The following AGR3 variants were observed in gnomAD, a reference collection of about 807,000 sequenced individuals.
AGR3 encodes the protein anterior gradient 3, protein disulphide isomerase family member.
Under a neutral mutation model 24.5 loss-of-function variants are expected in AGR3, and 37 were observed. That is an observed-to-expected ratio of 1.51 (90% CI 1.16 to 1.99). The LOEUF is 1.99. AGR3 is among the 30% of genes most tolerant of loss of function. AGR3 has a pLI of 0.00. For missense variants in AGR3, 228 were observed against 191.1 expected, an observed-to-expected ratio of 1.19 and a Z score of -1.14; for synonymous variants, 75 against 61.6, an observed-to-expected ratio of 1.22 and a Z score of -1.02.
intron 1 of AGR3, among the ~76,000 whole-genome samples, chr7:16,879,333 T>G (rs186478678): frequency 2.0e-5 from 3 of 152,350 alleles, no homozygotes; most frequent in East Asian, 3.9e-4. Context: ...TCTCTCCTGG[T>G]TAGCTAGAAT....
intron 6 of AGR3, 31 bp from the exon 7 acceptor site, chr7:16,860,614 AT>A: frequency 3.5e-6 from 5 of 1,447,478 alleles, no homozygotes; most frequent in Non-Finnish European, 4.8e-6. Context: ...TCACGAAAGT[AT>A]AATTTAGCAT....
At chr7:16,866,719 A>C (rs1237060335) in intron 3 of AGR3, among the ~76,000 whole-genome samples, 3 of 152,124 alleles carry the variant, frequency 2.0e-5, no homozygotes, top group Non-Finnish European at 4.4e-5. Flanking sequence ...TGTTTGAGTT[A>C]CTTATTTTTC....
At chr7:16,869,711 A>G (rs1781829814) in intron 3 of AGR3, among the ~76,000 whole-genome samples, 2 of 149,076 alleles carry the variant, frequency 1.3e-5, no homozygotes, top group Admixed American at 1.3e-4. Context: ...GGCAGGGGGA[A>G]CCTGTTTTTT....
intron 1 of AGR3, among the ~76,000 whole-genome samples, chr7:16,879,234 A>G (rs970937444): frequency 6.6e-6 from 1 of 152,222 alleles, no homozygotes; most frequent in Admixed American, 6.5e-5. Flanking sequence ...CCTTCAGTTT[A>G]TGATACAGCT....
intron 1 of AGR3, among the ~76,000 whole-genome samples, chr7:16,879,972 C>T (rs146838544): frequency 1.3e-5 from 2 of 151,928 alleles, no homozygotes; most frequent in Non-Finnish European, 2.9e-5. Flanking sequence ...TGCAGCCCCT[C>T]TATGGACTGA....
At chr7:16,871,852 A>G (rs975835096) in intron 3 of AGR3, among the ~76,000 whole-genome samples, 1 of 152,082 alleles carries the variant, frequency 6.6e-6, no homozygotes, top group Non-Finnish European at 1.5e-5. Context: ...AAAAAACAAC[A>G]AGCAAACAAA....
At chr7:16,864,652 G>C in intron 3 of AGR3, 1 of 1,582,622 alleles carries the variant, frequency 6.3e-7, no homozygotes, top group South Asian at 1.1e-5. Context: ...GCATAAAGCT[G>C]GTAGGCAGAA....
Position 16,860,566 on chromosome 7 carries a change from T to G in AGR3, c.385A>C (p.Arg129=). 6.2e-7 allele frequency: 1 copy of G among 1,613,464 alleles called. No individual in the cohort carries two copies. Among genetic ancestry groups the G allele is most frequent in the Non-Finnish European group, 8.5e-7 (1 of 1,179,604 alleles). Residue 129 remains arginine (R), a synonymous_variant, in exon 7 of 8, where the codon AGA becomes CGA. Transcript: ENST00000310398. ...GAGTATCTTCCAGCTATGTCAGCTC[T>G]AACTGTTAAAGAAGGGTCTGTCAAG... ...IMFVDPSLTV[R]ADIAGRYSNR...
intron 2 of AGR3, among the ~76,000 whole-genome samples, chr7:16,874,091 C>T (rs111577350): frequency 4.6e-5 from 7 of 152,238 alleles, no homozygotes; most frequent in African/African-American, 1.2e-4. Flanking sequence ...AGTAAGTACT[C>T]AATACATGTT....
rs1466956021 is a variant in AGR3 at position 16,862,548 on chromosome 7, CT to C, written c.226+61del. ...CTTCTTAGCTATTATTACCAGGTCACTTTTCCTATTTTATATTGGAAATATT... is the reference window on the plus strand; with the variant it reads ...CTTCTTAGCTATTATTACCAGGTCACTTTCCTATTTTATATTGGAAATATT... On this transcript the variant is annotated intron_variant, in intron 4 of 7. Transcript: ENST00000310398. 4 of 1,116,184 alleles carry C rather than the reference CT, an allele frequency of 3.6e-6. No homozygotes were observed. In the African/African-American group the frequency reaches 5.0e-5, roughly 14 times the overall value. The allele number at this position is 1,116,184 out of a possible 1,614,324, so 69.1% of individuals were successfully genotyped here. A position where few individuals can be genotyped will look rare whatever the true frequency, so the allele number is the denominator to read the frequency against.
At chr7:16,879,852 G>A (rs4370433) in intron 1 of AGR3, among the ~76,000 whole-genome samples, 77,269 of 152,022 alleles carry the variant, frequency 0.51, 19,667 homozygotes, top group East Asian at 0.59. Flanking sequence ...CCGCAGTCGT[G>A]GAGGAGAACA....
intron 2 of AGR3, among the ~76,000 whole-genome samples, chr7:16,876,155 G>T (rs1049939904): frequency 1.3e-5 from 2 of 152,106 alleles, no homozygotes; most frequent in African/African-American, 4.8e-5. Flanking sequence ...CTGTAGAAAA[G>T]CCATATTGCA....
intron 3 of AGR3, among the ~76,000 whole-genome samples, chr7:16,867,514 G>T (rs1180017665): frequency 6.6e-6 from 1 of 152,014 alleles, no homozygotes; most frequent in Non-Finnish European, 1.5e-5. Flanking sequence ...TTTTTGTGGT[G>T]AGAATATTTA....
chr7:16,877,814 G>T (rs1475260584), intron 2 of AGR3, among the ~76,000 whole-genome samples: 1 of 146,690 alleles, frequency 6.8e-6, no homozygotes, highest in Non-Finnish European at 1.5e-5. Context: ...AGTGAGCCAA[G>T]ATCGTGCCAC....
intron 5 of AGR3, 117 bp from the exon 6 acceptor site, chr7:16,861,564 C>G (rs1222423354): frequency 1.3e-6 from 1 of 791,288 alleles, no homozygotes; most frequent in Non-Finnish European, 2.1e-6. Context: ...TTCCATACAA[C>G]TTTCTGTATT....
At chr7:16,876,752 C>A (rs1056450815) in intron 2 of AGR3, among the ~76,000 whole-genome samples, 2 of 152,114 alleles carry the variant, frequency 1.3e-5, no homozygotes, top group African/African-American at 2.4e-5. Context: ...AATAATAGAA[C>A]CTTTAAGTTG....
At chr7:16,880,088 CTTCCTTCCTTCCTTCCTTCT>C (rs1782077998) in intron 1 of AGR3, among the ~76,000 whole-genome samples, 1 of 99,426 alleles carries the variant, frequency 1.0e-5, no homozygotes, top group East Asian at 4.0e-4. Flanking sequence ...CTTCTTTCCC[CTTCCTTCCTTCCTTCCTTCT>C]TTCCTTCCTT....
At chr7:16,859,720 A>G in intron 7 of AGR3, 89 bp from the exon 8 acceptor site, 2 of 771,780 alleles carry the variant, frequency 2.6e-6, no homozygotes, top group Admixed American at 2.9e-5. Flanking sequence ...AAATTGGCCC[A>G]TTTAAATTAA....
intron 2 of AGR3, among the ~76,000 whole-genome samples, chr7:16,877,828 A>C (rs1334406378): frequency 6.8e-6 from 1 of 146,474 alleles, no homozygotes; most frequent in Non-Finnish European, 1.5e-5. Context: ...GTGCCACTAC[A>C]CTCCAGCCTG....
Sources: gnomAD v4.1 joint callset for allele counts (sites outside exome capture counted in the v4.1 genomes callset) on GRCh38, gnomAD v4.1.1 for gene constraint, MANE v1.5 for transcripts, NCBI Gene and HGNC (gene_info 2026-07-23, HGNC 2026-07-21) for gene names.